Variants in PDGFRB observed in about 807,000 individuals in gnomAD.
The protein encoded by PDGFRB is platelet-derived growth factor receptor beta.
In PDGFRB, 42 loss-of-function variants were observed where a neutral mutation model predicts 120.2. That is an observed-to-expected ratio of 0.35 (90% CI 0.27 to 0.45). The LOEUF (loss-of-function observed/expected upper bound fraction) is 0.45, where lower values mean the gene tolerates loss of function less well. PDGFRB is among the 20% of genes least tolerant of loss of function. The pLI, the probability that PDGFRB is intolerant of heterozygous loss-of-function variation, is 1.00. For missense variants in PDGFRB, 1,149 were observed against 1,476.3 expected, an observed-to-expected ratio of 0.78 and a Z score of 3.63; for synonymous variants, 586 against 606.8, an observed-to-expected ratio of 0.97 and a Z score of 0.50.
intron 9 of PDGFRB, 73 bp from the exon 10 acceptor site, chr5:150,130,041 T>A: frequency 8.3e-7 from 1 of 1,204,156 alleles, no homozygotes; most frequent in Non-Finnish European, 1.2e-6. Context: ...GAGAAACTGG[T>A]GGAAGGAGGC....
chr5:150,135,100 AT>A, intron 3 of PDGFRB, 84 bp from the exon 4 acceptor site: 1 of 721,330 alleles, frequency 1.4e-6, no homozygotes, highest in Non-Finnish European at 2.4e-6. Flanking sequence ...GTCATTTGCC[AT>A]CTCTGGCCCT....
In PDGFRB at chr5:150,125,560, GA is replaced by G; in HGVS notation, c.1691del (p.Ile564ThrfsTer5). ...TCACAGACTCAATCACCTTCCATCG[GA>G]TCTCGTAACGTGGCTTCTGGAGGAC... Reference protein sequence around the residue: ...MLWQKKPRYEIRWKVIESVSS... With the variant: ...MLWQKKPRYEXRWKVIESVSS... On this transcript the variant is annotated frameshift_variant, in exon 12 of 23. Transcript: ENST00000261799. LOFTEE classifies it high-confidence loss of function. The G allele has an allele frequency of 6.2e-7, 1 of 1,613,910 alleles. No homozygotes were observed. The highest frequency in any genetic ancestry group is 8.5e-7 in the Non-Finnish European group (1 of 1,179,842).
chr5:150,121,436 C>G lies in PDGFRB; in HGVS notation c.2345-114G>C. On this transcript the variant is annotated intron_variant, in intron 16 of 22. Coordinates refer to ENST00000261799, the MANE Select transcript of PDGFRB (RefSeq NM_002609.4). The surrounding 1 kb of genome is among the most constrained non-coding windows in gnomAD (Gnocchi z 4.1). ...TCCAAGACAGGTGGCTACTGATCGT[C>G]TAGGTCTCCCCTAAAAGGAGAATGA... The G allele has an allele frequency of 1.4e-6, 1 of 730,054 alleles. No individual in the cohort carries two copies. Among genetic ancestry groups the G allele is most frequent in the Non-Finnish European group, 2.6e-6 (1 of 392,068 alleles). The allele number at this position is 730,054 out of a possible 1,614,324, so 45.2% of individuals were successfully genotyped here.
chr5:150,137,170 G>T, intron 1 of PDGFRB, 117 bp from the exon 2 acceptor site: 1 of 775,326 alleles, frequency 1.3e-6, no homozygotes, highest in East Asian at 2.8e-5. Flanking sequence ...CTTCATGTCC[G>T]AGGGGCTGAA....
chr5:150,128,891 A>T (rs1209885496), intron 10 of PDGFRB, among the ~76,000 whole-genome samples: 2 of 152,270 alleles, frequency 1.3e-5, no homozygotes, highest in Non-Finnish European at 2.9e-5. Context: ...CTTCAATGAG[A>T]AGTTGGGTCC....
intron 1 of PDGFRB, among the ~76,000 whole-genome samples, chr5:150,144,666 G>A (rs1363811202): frequency 3.3e-5 from 5 of 152,170 alleles, no homozygotes; most frequent in Non-Finnish European, 5.9e-5. Flanking sequence ...GGAACAGTGC[G>A]TGGGAAAGCG....
rs2113888580 is a variant in PDGFRB at position 150,120,799 on chromosome 5, T to C, written c.2586+89A>G. The C allele has an allele frequency of 8.0e-7, 1 of 1,254,346 alleles. No homozygotes were observed. The highest frequency in any genetic ancestry group is 1.1e-6 in the Non-Finnish European group (1 of 874,472). 77.7% of individuals were successfully genotyped at this position (1,254,346 alleles called of 1,614,324 possible). Reference sequence around the variant, plus strand: ...CAAGGAGCCCCACACAGATTTCCTATGAGCTGCAGCCACACTGGTCAGGAG... The same window carrying C: ...CAAGGAGCCCCACACAGATTTCCTACGAGCTGCAGCCACACTGGTCAGGAG... On this transcript the variant is annotated intron_variant, in intron 18 of 22. Transcript: ENST00000261799. The surrounding 1 kb of genome is among the most constrained non-coding windows in gnomAD (Gnocchi z 4.3).
At chr5:150,154,339 G>A (rs1761164707) in intron 1 of PDGFRB, among the ~76,000 whole-genome samples, 1 of 152,156 alleles carries the variant, frequency 6.6e-6, no homozygotes, top group Non-Finnish European at 1.5e-5. Context: ...TGGGGCACGG[G>A]GAGATTCCAA....
At chr5:150,129,495 C>T (rs560595365) in intron 10 of PDGFRB, among the ~76,000 whole-genome samples, 2 of 152,346 alleles carry the variant, frequency 1.3e-5, no homozygotes, top group East Asian at 3.9e-4. Context: ...TGGCTTACGA[C>T]ATACATATAG....
Position 150,115,841 on chromosome 5 carries a change from C to T in PDGFRB, c.3243G>A (p.Glu1081=). 6.2e-7 allele frequency: 1 copy of T among 1,612,740 alleles called. No homozygotes were observed. Among genetic ancestry groups the T allele is most frequent in the South Asian group, 1.1e-5 (1 of 90,866 alleles). ...EPEPQLELQV[E]PEPELEQLPD... ...GCAACTGTTCCAGCTCTGGCTCCGG[C>T]TCCACCTGGAGCTCAAGCTGGGGCT... The change falls in exon 23 of 23, where the codon GAG becomes GAA. Residue 1081 remains glutamate (E), a synonymous_variant. Coordinates refer to ENST00000261799, the MANE Select transcript of PDGFRB (RefSeq NM_002609.4).
At chr5:150,119,111 C>T (rs143134593) in intron 20 of PDGFRB, among the ~76,000 whole-genome samples, 1 of 152,252 alleles carries the variant, frequency 6.6e-6, no homozygotes, top group Non-Finnish European at 1.5e-5. Context: ...CAACAGTTTT[C>T]AGCCCTGCAG....
In PDGFRB at chr5:150,115,700, C is replaced by T. The variant is rs1049203620; in HGVS notation, c.*63G>A. On this transcript the variant is annotated 3_prime_UTR_variant, in exon 23 of 23. Transcript: ENST00000261799. ...TGACAGGAAGCCCGGTCAGGCCAGG[C>T]CAGGAGATGCTGGGTGCTGGCAGGG... The T allele has an allele frequency of 1.4e-6, 2 of 1,477,424 alleles. No individual in the cohort carries two copies. The highest frequency in any genetic ancestry group is 1.8e-6 in the Non-Finnish European group (2 of 1,105,400). The allele number at this position is 1,477,424 out of a possible 1,614,324, so 91.5% of individuals were successfully genotyped here.
intron 1 of PDGFRB, among the ~76,000 whole-genome samples, chr5:150,142,959 C>T (rs543987256): frequency 6.6e-6 from 1 of 152,104 alleles, no homozygotes; most frequent in East Asian, 1.9e-4. Context: ...TGTGAAGTAG[C>T]GTTAGGCTAC....
intron 1 of PDGFRB, among the ~76,000 whole-genome samples, chr5:150,141,764 G>A (rs1043288672): frequency 4.6e-5 from 7 of 152,130 alleles, no homozygotes; most frequent in South Asian, 2.1e-4. Flanking sequence ...ATGTGTGTGT[G>A]TGTGTACACG....
chr5:150,134,029 T>G (rs1760554343), intron 4 of PDGFRB, 21 bp from the exon 5 acceptor site: 1 of 1,613,508 alleles, frequency 6.2e-7, no homozygotes, highest in Non-Finnish European at 8.5e-7. Flanking sequence ...GAGATTGGCT[T>G]AGGTCTGGGG....
In PDGFRB at chr5:150,135,652, G is replaced by A. The variant is rs1760605630; in HGVS notation, c.267C>T (p.Asn89=). 2 of 1,613,836 alleles carry A rather than the reference G, an allele frequency of 1.2e-6. No individual in the cohort carries two copies. Among genetic ancestry groups the A allele is most frequent in the African/African-American group, 1.3e-5 (1 of 75,030 alleles). Residue 89 remains asparagine (N), a synonymous_variant, in exon 3 of 23, where the codon AAC becomes AAT. Coordinates refer to ENST00000261799, the MANE Select transcript of PDGFRB (RefSeq NM_002609.4). ...ATTCTCCCGTGTCTAGCCCAGTGAG[G>A]TTGGTCAGTGTGAGCACGCTGGAGA... ...GTFSSVLTLT[N]LTGLDTGEYF... is the part of the protein sequence containing the mutation.
At chr5:150,122,911 C>T in intron 15 of PDGFRB, 131 bp downstream of exon 15, 1 of 786,440 alleles carries the variant, frequency 1.3e-6, no homozygotes. Flanking sequence ...TGTGGAACAG[C>T]CCTAGCTCCA....
chr5:150,120,803 C>G lies in PDGFRB; in HGVS notation c.2586+85G>C, dbSNP rs1175585104. On this transcript the variant is annotated intron_variant, in intron 18 of 22. Transcript: ENST00000261799. The surrounding 1 kb of genome is among the most constrained non-coding windows in gnomAD (Gnocchi z 4.3). ...GAGCCCCACACAGATTTCCTATGAG[C>G]TGCAGCCACACTGGTCAGGAGGGAA... 1 of 1,305,924 alleles carries G rather than the reference C, an allele frequency of 7.7e-7. No individual in the cohort carries two copies. Among genetic ancestry groups the G allele is most frequent in the Non-Finnish European group, 1.1e-6 (1 of 917,704 alleles). The allele number at this position is 1,305,924 out of a possible 1,614,324, so 80.9% of individuals were successfully genotyped here.
In PDGFRB at chr5:150,129,819, A is replaced by T. The variant is rs79387608; in HGVS notation, c.1517T>A (p.Val506Glu). ...RLQHVDRPLSVRCTLRNAVGQ... is the reference protein window; with the variant it reads ...RLQHVDRPLSERCTLRNAVGQ... Reference sequence around the variant, plus strand: ...CACAGCGTTGCGCAGCGTGCAGCGCACCGACAGTGGCCGATCCACGTGCTG... The same window carrying T: ...CACAGCGTTGCGCAGCGTGCAGCGCTCCGACAGTGGCCGATCCACGTGCTG... The change falls in exon 10 of 23, where the codon GTG (valine) becomes GAG (glutamate). Residue 506 changes from valine to glutamate, a missense_variant. This residue lies in a region of PDGFRB where 879 missense variants were observed against 1,108.6 expected (regional missense o/e 0.79). Transcript: ENST00000261799. The T allele has an allele frequency of 6.2e-7, 1 of 1,614,070 alleles. No homozygotes were observed.
Sources: gnomAD v4.1 joint callset for allele counts (sites outside exome capture counted in the v4.1 genomes callset) on GRCh38, gnomAD v4.1.1 for gene constraint, gnomAD v4.1.1 regional missense constraint, Gnocchi (gnomAD v3.1) non-coding constraint, MANE v1.5 for transcripts, NCBI Gene and HGNC (gene_info 2026-07-23, HGNC 2026-07-21) for gene names.